Variants in LOXL2 observed in about 807,000 individuals in gnomAD.
LOXL2 encodes the protein lysyl oxidase like 2.
A neutral mutation model predicts 93.0 loss-of-function variants in LOXL2; 70 were observed. The observed-to-expected ratio is 0.75, with a 90% CI of 0.62 to 0.92. The LOEUF (loss-of-function observed/expected upper bound fraction) is 0.92. LOXL2 is among the 40% of genes least tolerant of loss of function. The pLI, the probability that LOXL2 is intolerant of heterozygous loss-of-function variation, is 0.00. For synonymous variants in LOXL2, 438 were observed against 413.2 expected, an observed-to-expected ratio of 1.06 and a Z score of -0.73; for missense variants, 973 against 1,054.9, an observed-to-expected ratio of 0.92 and a Z score of 1.08.
At position 23,392,432 on chromosome 8, in the gene LOXL2, G is replaced by C. The variant is rs544195128; in HGVS notation, c.-84+11522C>G. On this transcript the variant is annotated intron_variant, in intron 1 of 13. Transcript: ENST00000389131. ...GTCATCCACAGGGTAGTGGCATATA[G>C]AGAGAGACCTGCAGGTCCTCGCTTT... 1.1e-4 allele frequency among the ~76,000 whole-genome samples: 17 copies of C among 152,300 alleles called. 1 individual carries two copies. In the East Asian group the frequency reaches 2.5e-3, roughly 22 times the overall value.
At chr8:23,389,837 T>C (rs960859272) in intron 1 of LOXL2, among the ~76,000 whole-genome samples, 6 of 152,118 alleles carry the variant, frequency 3.9e-5, no homozygotes, top group African/African-American at 1.4e-4. Context: ...AGGGAAGTGA[T>C]TCATTCCTCC....
At chr8:23,392,409 C>A (rs1187061849) in intron 1 of LOXL2, among the ~76,000 whole-genome samples, 3 of 152,226 alleles carry the variant, frequency 2.0e-5, no homozygotes, top group Non-Finnish European at 4.4e-5. Flanking sequence ...AAGGTAATGT[C>A]ATCCACAGGG....
intron 2 of LOXL2, among the ~76,000 whole-genome samples, chr8:23,362,401 A>G (rs1804310844): frequency 6.6e-6 from 1 of 152,230 alleles, no homozygotes; most frequent in South Asian, 2.1e-4. Flanking sequence ...TTGCACAACA[A>G]TGTGAATATA....
chr8:23,402,984 C>T (rs1413727820), intron 1 of LOXL2, among the ~76,000 whole-genome samples: 3 of 152,070 alleles, frequency 2.0e-5, no homozygotes, highest in Non-Finnish European at 2.9e-5. Flanking sequence ...CCGCCCCGCA[C>T]TCCGGCTGTT....
Position 23,303,302 on chromosome 8 carries a change from TCCAAGCAGAAGCTGG to T in LOXL2, c.1961_1975del (p.Ala654_Leu658del), listed in dbSNP as rs1803170513. ...GATACCTCCTTCACATTCTGTGTCCTCCAAGCAGAAGCTGGCCTTGTGGCCCTCTGCCACCTTGGT... is the reference window on the plus strand; with the variant it reads ...GATACCTCCTTCACATTCTGTGTCCTCCTTGTGGCCCTCTGCCACCTTGGT... On this transcript the variant is annotated inframe_deletion, in exon 11 of 14. Transcript: ENST00000389131. The T allele has an allele frequency of 6.2e-7, 1 of 1,612,856 alleles. No homozygotes were observed. Among genetic ancestry groups the T allele is most frequent in the African/African-American group, 1.3e-5 (1 of 74,748 alleles).
At chr8:23,304,979 T>A (rs1381316789) in intron 10 of LOXL2, among the ~76,000 whole-genome samples, 2 of 152,176 alleles carry the variant, frequency 1.3e-5, no homozygotes. Flanking sequence ...GTTGCTAAGT[T>A]GGGCTTCCCT....
At chr8:23,344,065 C>T (rs553084305) in intron 3 of LOXL2, among the ~76,000 whole-genome samples, 1 of 152,342 alleles carries the variant, frequency 6.6e-6, no homozygotes, top group Admixed American at 6.5e-5. Flanking sequence ...AGCACCTGGC[C>T]ACCACAGGAG....
Position 23,367,571 on chromosome 8 carries a change from G to T in LOXL2, c.355+426C>A, listed in dbSNP as rs918452785. 2.4e-4 allele frequency among the ~76,000 whole-genome samples: 37 copies of T among 152,214 alleles called. 1 individual carries two copies. The highest frequency in any genetic ancestry group is 8.4e-4 in the African/African-American group (35 of 41,482). Reference sequence around the variant, plus strand: ...GAGCCATTGTGAGGAAGAGCAAGAGGCTTTCCTAACAGGGAACGATTTGGA... The same window carrying T: ...GAGCCATTGTGAGGAAGAGCAAGAGTCTTTCCTAACAGGGAACGATTTGGA... On this transcript the variant is annotated intron_variant, in intron 2 of 13. Transcript: ENST00000389131.
At chr8:23,302,667 T>C (rs752047976) in intron 11 of LOXL2, among the ~76,000 whole-genome samples, 6 of 152,144 alleles carry the variant, frequency 3.9e-5, no homozygotes, top group Non-Finnish European at 7.3e-5. Flanking sequence ...AATAACAAAT[T>C]AAACACGCAT....
chr8:23,364,745 G>C (rs980202764), intron 2 of LOXL2: 1 of 152,258 alleles, frequency 6.6e-6, no homozygotes, highest in Non-Finnish European at 1.5e-5. Flanking sequence ...GGGGGGCTGA[G>C]ATGGGAGGAT....
intron 4 of LOXL2, chr8:23,336,590 A>C (rs1418518827): frequency 6.6e-6 from 1 of 152,224 alleles, no homozygotes; most frequent in Non-Finnish European, 1.5e-5. Flanking sequence ...TGATTCAACC[A>C]AGAGTCCTAC....
chr8:23,341,016 C>T lies in LOXL2; in HGVS notation c.719G>A (p.Arg240Lys). 6.2e-7 allele frequency: 1 copy of T among 1,614,150 alleles called. No individual in the cohort carries two copies. The highest frequency in any genetic ancestry group is 8.5e-7 in the Non-Finnish European group (1 of 1,180,022). The part of the protein sequence containing the change: ...VCGMFGFPGE[R>K]TYNTKVYKMF... ...CTTGTACACTTTGGTATTGTATGTC[C>T]TCTCCCCAGGGAAGCCAAACATGCC... is the stretch of plus-strand genomic sequence containing the variant. Residue 240 changes from arginine (R) to lysine (K), a missense_variant, in exon 4 of 14, where the codon AGG (arginine) becomes AAG (lysine). Physicochemically the swap from Arg to Lys is conservative, Grantham distance 26. Coordinates refer to ENST00000389131, the MANE Select transcript of LOXL2 (RefSeq NM_002318.3).
intron 3 of LOXL2, among the ~76,000 whole-genome samples, chr8:23,347,177 ACACACAC>A (rs1804004535): frequency 3.8e-5 from 1 of 26,348 alleles, no homozygotes; most frequent in African/African-American, 3.2e-4. Flanking sequence ...AAACACACAC[ACACACAC>A]ACACACACAC....
At chr8:23,350,678 T>C (rs926722997) in intron 3 of LOXL2, among the ~76,000 whole-genome samples, 11 of 152,284 alleles carry the variant, frequency 7.2e-5, no homozygotes, top group African/African-American at 2.6e-4. Flanking sequence ...CTCTAGGCAA[T>C]AGAGGCCAGT....
chr8:23,382,608 G>A (rs996556284), intron 1 of LOXL2: 1 of 151,874 alleles, frequency 6.6e-6, no homozygotes, highest in African/African-American at 2.4e-5. Flanking sequence ...CTTTTTCCCA[G>A]GAGGTGGGAG....
At chr8:23,366,784 A>G (rs1328162095) in intron 2 of LOXL2, among the ~76,000 whole-genome samples, 1 of 152,234 alleles carries the variant, frequency 6.6e-6, no homozygotes, top group Non-Finnish European at 1.5e-5. Context: ...TGGCTGACCC[A>G]GAGATAGGAA....
intron 2 of LOXL2, among the ~76,000 whole-genome samples, chr8:23,362,695 T>C (rs1303895002): frequency 3.9e-5 from 6 of 152,120 alleles, no homozygotes; most frequent in Non-Finnish European, 7.4e-5. Context: ...GATTGTGCCA[T>C]TGCATTCCAG....
rs376902408 is a variant in LOXL2, at chr8:23,333,431, G to A, written c.936C>T (p.Pro312=). The A allele has an allele frequency of 4.2e-5, 68 of 1,613,736 alleles. No homozygotes were observed. Among genetic ancestry groups the A allele is most frequent in the Non-Finnish European group, 5.6e-5 (66 of 1,180,020 alleles). Residue 312 remains proline, a synonymous_variant, in exon 5 of 14, where the codon CCC becomes CCT. Coordinates refer to ENST00000389131, the MANE Select transcript of LOXL2 (RefSeq NM_002318.3). ...VPGQVFSPDG[P]SRFRKAYKPE... ...GCTTGTACGCTTTCCGGAATCTTGA[G>A]GGTCCGTCAGGGCTGAAGACCTGCC... is the stretch of plus-strand genomic sequence containing the variant.
intron 2 of LOXL2, among the ~76,000 whole-genome samples, chr8:23,367,189 C>T (rs1042637646): frequency 4.6e-5 from 7 of 152,076 alleles, no homozygotes; most frequent in African/African-American, 1.7e-4. Flanking sequence ...GCTGGGACTA[C>T]AGACACTCGC....
Sources: allele counts gnomAD v4.1 joint callset (sites outside exome capture counted in the v4.1 genomes callset), GRCh38; gene constraint gnomAD v4.1.1; transcripts MANE v1.5; gene names NCBI Gene and HGNC (gene_info 2026-07-23, HGNC 2026-07-21).